The following LYPLAL1 variants were observed in gnomAD, a reference collection of about 807,000 sequenced individuals.
LYPLAL1 encodes the protein lysophospholipase like 1.
Under a neutral mutation model 19.7 loss-of-function variants are expected in LYPLAL1, and 23 were observed. That is an observed-to-expected ratio of 1.17 (90% CI 0.84 to 1.65). The LOEUF (loss-of-function observed/expected upper bound fraction) is 1.65, where lower values mean the gene tolerates loss of function less well. LYPLAL1 is among the 40% of genes most tolerant of loss of function. The pLI, the probability that LYPLAL1 is intolerant of heterozygous loss-of-function variation, is 0.00. For missense variants in LYPLAL1, 355 were observed against 279.4 expected (o/e 1.27, Z -1.93); for synonymous variants, 119 against 96.3 (o/e 1.24, Z -1.38).
At chr1:219,177,591 G>A in intron 1 of LYPLAL1, among the ~76,000 whole-genome samples, 1 of 152,036 alleles carries the variant, frequency 6.6e-6, no homozygotes, top group Non-Finnish European at 1.5e-5. Context: ...AGTTACTCCG[G>A]CCAAAAGCCT....
chr1:219,327,155 G>A, the LYPLAL1 span, among the ~76,000 whole-genome samples: 1 of 151,966 alleles, frequency 6.6e-6, no homozygotes, highest in Non-Finnish European at 1.5e-5. Context: ...TTCCATAATC[G>A]TACACCTTCT....
the LYPLAL1 span, among the ~76,000 whole-genome samples, chr1:219,260,208 T>G: frequency 1.9e-3 from 286 of 152,034 alleles, 1 homozygote; most frequent in African/African-American, 6.6e-3. Context: ...GTGGTTTGAA[T>G]ATTCCCATTA....
At chr1:219,334,005 C>T in the LYPLAL1 span, among the ~76,000 whole-genome samples, 1 of 151,984 alleles carries the variant, frequency 6.6e-6, no homozygotes, top group Non-Finnish European at 1.5e-5. Flanking sequence ...AAACATTTTT[C>T]AAACATTTCT....
intron 2 of LYPLAL1, among the ~76,000 whole-genome samples, chr1:219,179,927 G>A (rs1656134762): frequency 6.6e-6 from 1 of 152,164 alleles, no homozygotes; most frequent in African/African-American, 2.4e-5. Context: ...GTGAAATGAT[G>A]TGTGGAGCTA....
chr1:219,381,169 TC>T, the LYPLAL1 span, among the ~76,000 whole-genome samples: 1 of 152,130 alleles, frequency 6.6e-6, no homozygotes, highest in Non-Finnish European at 1.5e-5. Context: ...CGCATGCTGT[TC>T]CTGTGATAGT....
chr1:219,380,456 AGTCTT>A, the LYPLAL1 span, among the ~76,000 whole-genome samples: 1 of 152,230 alleles, frequency 6.6e-6, no homozygotes, highest in African/African-American at 2.4e-5. Context: ...TGGCACCATT[AGTCTT>A]GTCATGTACA....
the LYPLAL1 span, among the ~76,000 whole-genome samples, chr1:219,279,421 GT>G: frequency 4.6e-5 from 7 of 152,182 alleles, no homozygotes; most frequent in African/African-American, 1.7e-4. Context: ...TCAGAATAAT[GT>G]TGCTTTGACG....
chr1:219,306,741 C>CATAG, the LYPLAL1 span, among the ~76,000 whole-genome samples: 39,139 of 127,932 alleles, frequency 0.31, 6,215 homozygotes, highest in Admixed American at 0.37. Flanking sequence ...CAGACAGATG[C>CATAG]ATAGATAGAT....
At chr1:219,204,881 A>G (rs568474846) in intron 3 of LYPLAL1, among the ~76,000 whole-genome samples, 9 of 152,242 alleles carry the variant, frequency 5.9e-5, no homozygotes, top group African/African-American at 2.2e-4. Context: ...TCTAGGATGT[A>G]TAGAACCTGA....
the LYPLAL1 span, among the ~76,000 whole-genome samples, chr1:219,396,386 CT>C: frequency 2.0e-5 from 3 of 152,120 alleles, no homozygotes; most frequent in African/African-American, 7.2e-5. Flanking sequence ...CAGTTTTGTT[CT>C]TTTGGTTTAG....
the LYPLAL1 span, among the ~76,000 whole-genome samples, chr1:219,245,711 AT>A: frequency 6.6e-6 from 1 of 152,322 alleles, no homozygotes; most frequent in East Asian, 1.9e-4. Context: ...GTATCATGTT[AT>A]TTTATGCTTT....
At chr1:219,281,182 T>C in the LYPLAL1 span, among the ~76,000 whole-genome samples, 1 of 152,210 alleles carries the variant, frequency 6.6e-6, no homozygotes, top group Non-Finnish European at 1.5e-5. Flanking sequence ...GTTTGATTCA[T>C]AGAACACTAT....
chr1:219,350,024 G>A, the LYPLAL1 span, among the ~76,000 whole-genome samples: 25 of 152,352 alleles, frequency 1.6e-4, no homozygotes, highest in African/African-American at 6.0e-4. Flanking sequence ...GCTGAGATTA[G>A]AGTGAGGTTC....
the LYPLAL1 span, among the ~76,000 whole-genome samples, chr1:219,437,751 A>ATTTATTTTATTTTATTTTATTTTAT: frequency 6.3e-5 from 9 of 143,446 alleles, no homozygotes; most frequent in African/African-American, 2.3e-4. Context: ...ATTTTATTGT[A>ATTTATTTTATTTTATTTTATTTTAT]TTTATTTTAT....
intron 1 of LYPLAL1, 127 bp downstream of exon 1, chr1:219,174,108 G>C (rs1655601967): frequency 6.8e-7 from 1 of 1,481,026 alleles, no homozygotes; most frequent in Non-Finnish European, 9.0e-7. Flanking sequence ...CTCCCCCGTC[G>C]CCAGCCCCGG....
chr1:219,183,803 AAC>A (rs1656491362), intron 2 of LYPLAL1, among the ~76,000 whole-genome samples: 2 of 151,948 alleles, frequency 1.3e-5, no homozygotes, highest in Non-Finnish European at 2.9e-5. Flanking sequence ...ATATAAATAT[AAC>A]ACAGTTTGTT....
the LYPLAL1 span, among the ~76,000 whole-genome samples, chr1:219,417,748 C>T: frequency 6.6e-6 from 1 of 152,236 alleles, no homozygotes; most frequent in East Asian, 1.9e-4. Flanking sequence ...TTTGCCACCT[C>T]AGTCCCATAA....
At chr1:219,300,359 G>T in the LYPLAL1 span, among the ~76,000 whole-genome samples, 21 of 151,936 alleles carry the variant, frequency 1.4e-4, no homozygotes, top group Non-Finnish European at 2.4e-4. Context: ...GCATTTACAT[G>T]AAGAAGCATG....
chr1:219,302,283 A>G, the LYPLAL1 span, among the ~76,000 whole-genome samples: 1 of 152,214 alleles, frequency 6.6e-6, no homozygotes, highest in Non-Finnish European at 1.5e-5. Context: ...TGCCTAAATT[A>G]GTATTTTCCA....
Sources: gnomAD v4.1 joint callset for allele counts (sites outside exome capture counted in the v4.1 genomes callset) on GRCh38, gnomAD v4.1.1 for gene constraint, MANE v1.5 for transcripts, NCBI Gene and HGNC (gene_info 2026-07-23, HGNC 2026-07-21) for gene names.